CEP192: variants seen among roughly 807,000 people sequenced by gnomAD.
The protein encoded by CEP192 is centrosomal protein of 192 kDa.
In CEP192, 151 loss-of-function variants were observed where a neutral mutation model predicts 271.8. The ratio of observed to expected loss-of-function variants is 0.56; its 90% CI spans 0.49 to 0.64. CEP192 has a LOEUF of 0.64. Ranked by LOEUF, CEP192 falls within the 30% of genes least tolerant of loss-of-function variation. CEP192 has a pLI of 0.00. For missense variants in CEP192, 2,910 were observed against 3,020.5 expected (o/e 0.96, Z 0.86); for synonymous variants, 995 against 1,076.5 (o/e 0.92, Z 1.48).
intron 43 of CEP192, among the ~76,000 whole-genome samples, chr18:13,116,988 A>G (rs2040463241): frequency 1.3e-5 from 2 of 152,162 alleles, no homozygotes; most frequent in South Asian, 2.1e-4. Context: ...TTGGGAGGCC[A>G]AGGCAGGAGG....
intron 38 of CEP192, 44 bp downstream of exon 38, chr18:13,100,556 A>G (rs1270090267): frequency 1.4e-6 from 2 of 1,393,488 alleles, no homozygotes; most frequent in Non-Finnish European, 2.0e-6. Flanking sequence ...CTGCTGATAT[A>G]TTGAGTCTAA....
Position 13,069,861 on chromosome 18 carries a change from T to A in CEP192, c.5174+5T>A. 1 of 1,518,774 alleles carries A rather than the reference T, an allele frequency of 6.6e-7. No homozygotes were observed. Among genetic ancestry groups the A allele is most frequent in the Non-Finnish European group, 9.1e-7 (1 of 1,094,272 alleles). The allele number at this position is 1,518,774 out of a possible 1,614,324, so 94.1% of individuals were successfully genotyped here. A position where few individuals can be genotyped will look rare whatever the true frequency, so the allele number is the denominator to read the frequency against. On this transcript the variant is annotated splice_donor_5th_base_variant and intron_variant, in intron 27 of 44. Coordinates refer to ENST00000506447, the MANE Select transcript of CEP192 (RefSeq NM_032142.4). Reference sequence around the variant, plus strand: ...TCCTGAAGCCTGCGAGGAAAGGTAATATAAAAATGTTATAATGGACCGGGC... The same window carrying A: ...TCCTGAAGCCTGCGAGGAAAGGTAAAATAAAAATGTTATAATGGACCGGGC...
At chr18:13,063,151 CAAATCTTAGCTGTTGT>C (rs2037500429) in intron 21 of CEP192, among the ~76,000 whole-genome samples, 1 of 152,176 alleles carries the variant, frequency 6.6e-6, no homozygotes, top group African/African-American at 2.4e-5. Context: ...AGGTTGCTTC[CAAATCTTAGCTGTTGT>C]AAACAGTGCT....
At chr18:13,105,851 T>C (rs77100978) in intron 40 of CEP192, among the ~76,000 whole-genome samples, 5,341 of 152,240 alleles carry the variant, frequency 0.035, 107 homozygotes, top group Middle Eastern at 0.11. Flanking sequence ...TAAAGTTCAG[T>C]GTATGAGGCG....
chr18:13,048,205 A>G (rs2036582080), intron 15 of CEP192, among the ~76,000 whole-genome samples: 1 of 152,212 alleles, frequency 6.6e-6, no homozygotes, highest in South Asian at 2.1e-4. Flanking sequence ...CATAAGTTTT[A>G]AATTATATGT....
At chr18:13,026,393 A>G (rs2035302755) in intron 9 of CEP192, among the ~76,000 whole-genome samples, 1 of 151,742 alleles carries the variant, frequency 6.6e-6, no homozygotes. Context: ...GTATGCCTTT[A>G]TCTTATTTGG....
intron 34 of CEP192, among the ~76,000 whole-genome samples, chr18:13,093,385 A>G (rs2039244014): frequency 6.6e-6 from 1 of 152,182 alleles, no homozygotes; most frequent in African/African-American, 2.4e-5. Flanking sequence ...ATCTAACATC[A>G]CATGATGCAT....
chr18:13,040,187 T>C (rs2036129372), intron 13 of CEP192, among the ~76,000 whole-genome samples: 1 of 152,206 alleles, frequency 6.6e-6, no homozygotes, highest in African/African-American at 2.4e-5. Context: ...ATTTTTGTTG[T>C]GGTATAAGTG....
chr18:13,096,100 A>T, intron 35 of CEP192, 84 bp from the exon 36 acceptor site: 7 of 1,377,216 alleles, frequency 5.1e-6, no homozygotes, highest in Non-Finnish European at 7.1e-6. Context: ...ATATCTATTT[A>T]GGGTTCTGGT....
intron 30 of CEP192, 139 bp from the exon 31 acceptor site, chr18:13,086,878 G>A: frequency 1.7e-6 from 1 of 584,434 alleles, no homozygotes; most frequent in Non-Finnish European, 2.9e-6. Context: ...GACTGGAAAT[G>A]GGGAACTACT....
chr18:13,124,122 TAC>T (rs2040798202), intron 44 of CEP192, among the ~76,000 whole-genome samples: 1 of 151,982 alleles, frequency 6.6e-6, no homozygotes, highest in African/African-American at 2.4e-5. Flanking sequence ...ATCATGCCAT[TAC>T]ACCCCAGCCT....
At chr18:12,998,538 A>G (rs924519245) in intron 1 of CEP192, among the ~76,000 whole-genome samples, 2 of 152,212 alleles carry the variant, frequency 1.3e-5, no homozygotes, top group Non-Finnish European at 2.9e-5. Context: ...TCAGTGAGCT[A>G]AGTTAGTAGA....
At chr18:13,094,021 G>T (rs2039274335) in intron 34 of CEP192, among the ~76,000 whole-genome samples, 1 of 152,272 alleles carries the variant, frequency 6.6e-6, no homozygotes, top group East Asian at 1.9e-4. Flanking sequence ...TGGAGTCCAG[G>T]CCAGTTACTT....
intron 32 of CEP192, among the ~76,000 whole-genome samples, chr18:13,088,121 A>G: frequency 6.6e-6 from 1 of 152,246 alleles, no homozygotes; most frequent in East Asian, 1.9e-4. Context: ...TAACTTGTAG[A>G]TACTTAAAAA....
At chr18:13,103,929 A>G (rs776150774) in intron 39 of CEP192, 77 of 457,870 alleles carry the variant, frequency 1.7e-4, no homozygotes, top group East Asian at 4.7e-4. Context: ...ACCTCAAGCA[A>G]TCTTCCCACC....
At chr18:13,082,989 A>C (rs1052918124) in intron 30 of CEP192, among the ~76,000 whole-genome samples, 3 of 152,170 alleles carry the variant, frequency 2.0e-5, no homozygotes, top group African/African-American at 7.2e-5. Context: ...CTGAGAGATC[A>C]GCTGTTAGTC....
chr18:13,015,463 C>T lies in CEP192; in HGVS notation c.640+15C>T, dbSNP rs1214414591. 3.2e-6 allele frequency: 5 copies of T among 1,549,618 alleles called. No individual in the cohort carries two copies. Among genetic ancestry groups the T allele is most frequent in the African/African-American group, 2.7e-5 (2 of 72,896 alleles). On this transcript the variant is annotated intron_variant, in intron 6 of 44. Coordinates refer to ENST00000506447, the MANE Select transcript of CEP192 (RefSeq NM_032142.4). The stretch of plus-strand genomic sequence containing the variant: ...AGATTCTTCTGGTACTGCAGAGTAA[C>T]CTGTGTTTCCCTGGTCTTCACCTTG...
intron 42 of CEP192, 33 bp from the exon 43 acceptor site, chr18:13,116,344 G>C: frequency 1.3e-6 from 2 of 1,599,504 alleles, no homozygotes; most frequent in Non-Finnish European, 1.7e-6. Context: ...GTGGATTTCA[G>C]ATTCTTAACT....
chr18:13,080,313 T>C (rs2038526248), intron 30 of CEP192, among the ~76,000 whole-genome samples: 3 of 152,330 alleles, frequency 2.0e-5, no homozygotes, highest in Admixed American at 2.0e-4. Context: ...TTTATTTCGT[T>C]GAGCAGTGGT....
Sources: gnomAD v4.1 joint callset for allele counts (sites outside exome capture counted in the v4.1 genomes callset) on GRCh38, gnomAD v4.1.1 for gene constraint, MANE v1.5 for transcripts, NCBI Gene and HGNC (gene_info 2026-07-23, HGNC 2026-07-21) for gene names.